ARHGEF18: variants seen among roughly 807,000 people sequenced by gnomAD.
ARHGEF18 encodes rho guanine nucleotide exchange factor 18.
ARHGEF18 carries 93 observed loss-of-function variants against 155.7 expected under a neutral mutation model. The ratio of observed to expected loss-of-function variants is 0.60; its 90% CI spans 0.50 to 0.71. The LOEUF is 0.71. ARHGEF18 is among the 30% of genes least tolerant of loss of function. The probability of loss-of-function intolerance (pLI) is 0.00; values close to 1 mark genes in which losing one functional copy is unlikely to be tolerated. For synonymous variants in ARHGEF18, 742 were observed against 753.1 expected (o/e 0.99, Z 0.24); for missense variants, 1,593 against 1,816.1 (o/e 0.88, Z 2.23).
In ARHGEF18 at chr19:7,376,717, A is replaced by C; in HGVS notation, c.501A>C (p.Glu167Asp). The change falls in exon 5 of 29, where the codon GAA (glutamate) becomes GAC (aspartate). Residue 167 changes from glutamate (E) to aspartate (D), a missense_variant. By Grantham distance (45) the Glu-to-Asp change is conservative. Coordinates refer to ENST00000668164, the MANE Select transcript of ARHGEF18 (RefSeq NM_001367823.1). ...CCTTCTATGAGATCCGCTCTCCGGA[A>C]ATCTCTCCGGGTTTGGAAGTGCCCA... ...PVSFYEIRSP[E>D]ISPGLEVPTP... 1.6e-6 allele frequency: 2 copies of C among 1,234,458 alleles called. No homozygotes were observed. The highest frequency in any genetic ancestry group is 2.0e-6 in the Non-Finnish European group (2 of 988,248). The allele number at this position is 1,234,458 out of a possible 1,614,324, so 76.5% of individuals were successfully genotyped here. A position where few individuals can be genotyped will look rare whatever the true frequency, so the allele number is the denominator to read the frequency against.
downstream of ARHGEF18, among the ~76,000 whole-genome samples, chr19:7,472,685 T>C (rs1977095478): frequency 1.3e-5 from 2 of 152,168 alleles, no homozygotes; most frequent in South Asian, 4.2e-4. Context: ...GTTTTTGTTT[T>C]TGTTTCTGTT....
chr19:7,442,501 T>C (rs979829648), intron 13 of ARHGEF18, among the ~76,000 whole-genome samples: 1 of 152,014 alleles, frequency 6.6e-6, no homozygotes, highest in Non-Finnish European at 1.5e-5. Flanking sequence ...TCCCAAACTA[T>C]TGGGATTATA....
chr19:7,410,278 C>A (rs1056355182), intron 10 of ARHGEF18, among the ~76,000 whole-genome samples: 1 of 152,028 alleles, frequency 6.6e-6, no homozygotes, highest in African/African-American at 2.4e-5. Flanking sequence ...GAAAGAGAAA[C>A]CCCCGGCCTC....
Position 7,467,080 on chromosome 19 carries a change from C to T in ARHGEF18, c.2971C>T (p.Arg991Trp). 3 of 1,608,352 alleles carry T rather than the reference C, an allele frequency of 1.9e-6. No individual in the cohort carries two copies. The highest frequency in any genetic ancestry group is 2.6e-6 in the Non-Finnish European group (3 of 1,176,054). Reference sequence around the variant, plus strand: ...CCTCTCCTCTCCGCAGCTTGTCCAGCGGATCCAGACACTGTCCCAGCTGCT... The same window carrying T: ...CCTCTCCTCTCCGCAGCTTGTCCAGTGGATCCAGACACTGTCCCAGCTGCT... ...PTVLESELVQRIQTLSQLLLN... is the reference protein window; with the variant it reads ...PTVLESELVQWIQTLSQLLLN... The change falls in exon 25 of 29, where the codon CGG (arginine) becomes TGG (tryptophan). Residue 991 changes from arginine to tryptophan, a missense_variant. Coordinates refer to ENST00000668164, the MANE Select transcript of ARHGEF18 (RefSeq NM_001367823.1).
the ARHGEF18 span, chr19:7,478,326 G>C: frequency 6.2e-7 from 1 of 1,610,890 alleles, no homozygotes; most frequent in Middle Eastern, 1.9e-4. Flanking sequence ...GGTGAAGGGC[G>C]CCGTGGGGCT....
Position 7,440,770 on chromosome 19 carries a change from C to T in ARHGEF18, c.1106+288C>T, listed in dbSNP as rs1974591223. Among the ~76,000 whole-genome samples, 1 of 152,072 alleles carries T rather than the reference C, an allele frequency of 6.6e-6. No homozygotes were observed. The highest frequency in any genetic ancestry group is 2.4e-5 in the African/African-American group (1 of 41,390). On this transcript the variant is annotated intron_variant, in intron 11 of 28. Transcript: ENST00000668164. This position sits in a 1 kb window ranked among gnomAD's most constrained non-coding sequence, Gnocchi z 5.4. ...GGCCGGGCTCCTGACTTACTCAAGG[C>T]GATGCTCAAAGTCCTGCTGGGTGTG...
intron 5 of ARHGEF18, among the ~76,000 whole-genome samples, chr19:7,377,462 C>A (rs1970513820): frequency 6.6e-6 from 1 of 152,098 alleles, no homozygotes; most frequent in African/African-American, 2.4e-5. Context: ...GGAGTCTAAA[C>A]ACATAACAAG....
In ARHGEF18 at chr19:7,467,210, G is replaced by T. The variant is rs1024570993; in HGVS notation, c.3010-4G>T. 2.5e-6 allele frequency: 4 copies of T among 1,584,042 alleles called. No homozygotes were observed. Among genetic ancestry groups the T allele is most frequent in the African/African-American group, 1.3e-5 (1 of 74,388 alleles). ...CTCACTCGCCTGGCCCTGGCCCTCC[G>T]CAGGCGGTAATCGCCCACCAGGACA... On this transcript the variant is annotated splice_polypyrimidine_tract_variant and splice_region_variant and intron_variant, in intron 25 of 28. Coordinates refer to ENST00000668164, the MANE Select transcript of ARHGEF18 (RefSeq NM_001367823.1).
chr19:7,419,855 A>G (rs9329383), intron 10 of ARHGEF18, among the ~76,000 whole-genome samples: 21,115 of 151,578 alleles, frequency 0.14, 2,949 homozygotes, highest in African/African-American at 0.36. Flanking sequence ...TCCACCATAG[A>G]AAGCTGCCTG....
intron 17 of ARHGEF18, among the ~76,000 whole-genome samples, chr19:7,455,663 C>G (rs1187461373): frequency 2.0e-5 from 3 of 152,164 alleles, no homozygotes; most frequent in Non-Finnish European, 4.4e-5. Flanking sequence ...AGTCCGTGTT[C>G]ATGCTGCTGA....
At chr19:7,356,351 G>A (rs1446164589) in intron 1 of ARHGEF18, among the ~76,000 whole-genome samples, 1 of 149,622 alleles carries the variant, frequency 6.7e-6, no homozygotes, top group Non-Finnish European at 1.5e-5. Context: ...GCTCATTACT[G>A]CAAACTCTGC....
At chr19:7,354,563 A>G (rs907458636) in intron 1 of ARHGEF18, among the ~76,000 whole-genome samples, 15 of 152,274 alleles carry the variant, frequency 9.9e-5, no homozygotes, top group Non-Finnish European at 1.9e-4. Context: ...CAGCACCTGC[A>G]CGGATGAGCA....
intron 1 of ARHGEF18, among the ~76,000 whole-genome samples, chr19:7,358,049 C>T (rs1438564427): frequency 1.3e-5 from 2 of 152,098 alleles, no homozygotes; most frequent in African/African-American, 2.4e-5. Flanking sequence ...TGGACACTGC[C>T]ATATAACCTA....
chr19:7,420,018 C>A (rs1466079791), intron 10 of ARHGEF18, among the ~76,000 whole-genome samples: 49 of 151,878 alleles, frequency 3.2e-4, no homozygotes, highest in Non-Finnish European at 4.4e-5. Flanking sequence ...CCCCTGCACC[C>A]CAGGTGCACC....
intron 10 of ARHGEF18, among the ~76,000 whole-genome samples, chr19:7,409,996 G>A (rs967852197): frequency 2.8e-5 from 4 of 144,958 alleles, no homozygotes; most frequent in African/African-American, 1.0e-4. Context: ...TACCATGTTG[G>A]CCAGGTTGGT....
intron 1 of ARHGEF18, among the ~76,000 whole-genome samples, chr19:7,354,663 G>C (rs561966127): frequency 2.1e-5 from 3 of 144,380 alleles, no homozygotes; most frequent in Non-Finnish European, 4.8e-5. Flanking sequence ...ACTTTGCGAG[G>C]CCGCGGCAGG....
chr19:7,446,284 A>T (rs1372560843), intron 14 of ARHGEF18, among the ~76,000 whole-genome samples: 1 of 152,042 alleles, frequency 6.6e-6, no homozygotes, highest in East Asian at 1.9e-4. Context: ...TGGCAGGAGA[A>T]TCACTCAGAC....
rs368435795 is a variant in ARHGEF18 at position 7,458,505 on chromosome 19, C to T, written c.2182-7C>T. On this transcript the variant is annotated splice_polypyrimidine_tract_variant and splice_region_variant and intron_variant, in intron 18 of 28. Coordinates refer to ENST00000668164, the MANE Select transcript of ARHGEF18 (RefSeq NM_001367823.1). ...GGTGACCTCCCCAATGCCCTCTACTCATGCAGGACTCAAAGCCACCCGTCA... is the reference window on the plus strand; with the variant it reads ...GGTGACCTCCCCAATGCCCTCTACTTATGCAGGACTCAAAGCCACCCGTCA... 110 of 1,613,478 alleles carry T rather than the reference C, an allele frequency of 6.8e-5. No individual in the cohort carries two copies. Among genetic ancestry groups the T allele is most frequent in the Admixed American group, 2.3e-4 (14 of 59,968 alleles).
rs745756720 is a variant in ARHGEF18, at chr19:7,468,966, C to A, written c.3622C>A (p.Arg1208=). ...CCGGGACAGCGCCCCCACCGAGAAC[C>A]GGCTGGCCAAGAGCGATGTGCCCAT... ...ARRDSAPTEN[R]LAKSDVPIQL... is the part of the protein sequence containing the mutation. The change falls in exon 27 of 29, where the codon CGG becomes AGG. Residue 1208 remains arginine, a synonymous_variant. Transcript: ENST00000668164. 4 of 1,588,372 alleles carry A rather than the reference C, an allele frequency of 2.5e-6. No individual in the cohort carries two copies. Among genetic ancestry groups the A allele is most frequent in the Non-Finnish European group, 3.4e-6 (4 of 1,168,976 alleles).
Sources: gnomAD v4.1 joint callset for allele counts (sites outside exome capture counted in the v4.1 genomes callset) on GRCh38, gnomAD v4.1.1 for gene constraint, Gnocchi (gnomAD v3.1) non-coding constraint, MANE v1.5 for transcripts, NCBI Gene and HGNC (gene_info 2026-07-23, HGNC 2026-07-21) for gene names.